The following TGM4 variants were observed in gnomAD, a reference collection of about 807,000 sequenced individuals.
TGM4 encodes the protein protein-glutamine gamma-glutamyltransferase 4.
A neutral mutation model predicts 76.3 loss-of-function variants in TGM4; 61 were observed. The observed-to-expected ratio is 0.80, with a 90% confidence interval of 0.65 to 0.99. TGM4 has a LOEUF of 0.99. TGM4 is among the 50% of genes least tolerant of loss of function. The pLI is 0.00. For synonymous variants in TGM4, 337 were observed against 329.8 expected, an observed-to-expected ratio of 1.02 and a Z score of -0.24; for missense variants, 794 against 843.2, an observed-to-expected ratio of 0.94 and a Z score of 0.72.
Position 44,901,740 on chromosome 3 carries a change from G to C in TGM4, c.832+42G>C, listed in dbSNP as rs776756934. On this transcript the variant is annotated intron_variant, in intron 7 of 13. Transcript: ENST00000296125. ...GGGGCTGAGGGGAGAGGTCCCAAGG[G>C]AGGGACTCCCAGCCCCCACAGTTGC... is the stretch of plus-strand genomic sequence containing the variant. 3.1e-6 allele frequency: 5 copies of C among 1,612,774 alleles called. No individual in the cohort carries two copies. In the Admixed American group the frequency reaches 6.7e-5, roughly 22 times the overall value.
chr3:44,910,209 C>T lies in TGM4; in HGVS notation c.1447C>T (p.Leu483=), dbSNP rs1299822251. The change falls in exon 11 of 14, where the codon CTG becomes TTG. Residue 483 remains leucine (L), a synonymous_variant. Coordinates refer to ENST00000296125, the MANE Select transcript of TGM4 (RefSeq NM_003241.4). The part of the protein sequence containing the change: ...LHMSVQSDDV[L]LGNSVNFTVI... Reference sequence around the variant, plus strand: ...CATGTCGGTACAATCAGATGATGTGCTGCTGGGAAACTCTGTTAATTTCAC... The same window carrying T: ...CATGTCGGTACAATCAGATGATGTGTTGCTGGGAAACTCTGTTAATTTCAC... The T allele has an allele frequency of 1.2e-6, 2 of 1,614,108 alleles. No individual in the cohort carries two copies. The highest frequency in any genetic ancestry group is 2.7e-5 in the African/African-American group (2 of 74,938).
intron 2 of TGM4, among the ~76,000 whole-genome samples, chr3:44,885,835 C>T (rs548961847): frequency 1.1e-4 from 17 of 152,088 alleles, no homozygotes; most frequent in Non-Finnish European, 2.2e-4. Flanking sequence ...GATGCCATAG[C>T]GGGGTGGGCT....
intron 1 of TGM4, among the ~76,000 whole-genome samples, chr3:44,877,702 T>A (rs1275684221): frequency 6.6e-6 from 1 of 152,206 alleles, no homozygotes; most frequent in Non-Finnish European, 1.5e-5. Context: ...TAAAAAGGCA[T>A]CTTCTCATCT....
chr3:44,898,973 G>T (rs1242911072), intron 6 of TGM4, among the ~76,000 whole-genome samples: 2 of 152,158 alleles, frequency 1.3e-5, no homozygotes, highest in Admixed American at 1.3e-4. Context: ...GCCATGAGGG[G>T]CTCTAGTTCT....
chr3:44,880,442 T>A (rs1043038397), intron 1 of TGM4, among the ~76,000 whole-genome samples: 5 of 152,182 alleles, frequency 3.3e-5, no homozygotes, highest in African/African-American at 1.2e-4. Context: ...CCGGTATGCA[T>A]TCTGCAGGGG....
intron 4 of TGM4, 90 bp from the exon 5 acceptor site, chr3:44,893,487 A>G: frequency 1.8e-6 from 2 of 1,131,294 alleles, no homozygotes; most frequent in Non-Finnish European, 2.7e-6. Flanking sequence ...AAGACCTTGA[A>G]TCTCCCCCAG....
chr3:44,901,143 G>A (rs1358387189), intron 6 of TGM4, among the ~76,000 whole-genome samples: 1 of 152,200 alleles, frequency 6.6e-6, no homozygotes, highest in African/African-American at 2.4e-5. Flanking sequence ...GGGTGGCTGA[G>A]GTGGGAGGAT....
At chr3:44,886,299 T>C (rs1188287342) in intron 2 of TGM4, among the ~76,000 whole-genome samples, 1 of 152,094 alleles carries the variant, frequency 6.6e-6, no homozygotes, top group Non-Finnish European at 1.5e-5. Flanking sequence ...CAAGATAGTG[T>C]CATTGCACTT....
At chr3:44,881,500 C>T (rs997749608) in intron 1 of TGM4, among the ~76,000 whole-genome samples, 17 of 152,318 alleles carry the variant, frequency 1.1e-4, no homozygotes, top group Admixed American at 3.9e-4. Flanking sequence ...TTCTTCCTAG[C>T]GAGGACTCCC....
chr3:44,901,373 G>C, intron 6 of TGM4, 151 bp from the exon 7 acceptor site: 1 of 904,306 alleles, frequency 1.1e-6, no homozygotes, highest in South Asian at 1.8e-5. Context: ...GGCCCTTCTG[G>C]GCACCCCACC....
chr3:44,904,030 C>T (rs751918890), intron 9 of TGM4, 43 bp downstream of exon 9: 4 of 1,537,840 alleles, frequency 2.6e-6, no homozygotes, highest in Middle Eastern at 1.8e-4. Context: ...ATGCTGCTCT[C>T]CTTACATGGC....
intron 1 of TGM4, among the ~76,000 whole-genome samples, chr3:44,881,668 G>C (rs1191693291): frequency 6.6e-6 from 1 of 152,176 alleles, no homozygotes; most frequent in Non-Finnish European, 1.5e-5. Flanking sequence ...AAAATCATAA[G>C]CTTCTAAGGC....
intron 8 of TGM4, chr3:44,903,629 G>A (rs1354767): frequency 0.47 from 227,572 of 487,850 alleles, 55,884 homozygotes; most frequent in East Asian, 0.8. Context: ...AAATCCATAG[G>A]CAGGGTGACG....
intron 6 of TGM4, chr3:44,899,500 G>A (rs1699824004): frequency 6.6e-6 from 1 of 152,160 alleles, no homozygotes; most frequent in Non-Finnish European, 1.5e-5. Flanking sequence ...CCCTTTTCCA[G>A]GTTCCCTATA....
At position 44,890,688 on chromosome 3, in the gene TGM4, C is replaced by T; in HGVS notation, c.386C>T (p.Ser129Phe). Residue 129 changes from serine (S) to phenylalanine (F), a missense_variant, in exon 4 of 14, where the codon TCT becomes TTT. Ser to Phe is a radical substitution (Grantham distance 155). Transcript: ENST00000296125. The part of the protein sequence containing the change: ...NVKTGNHILK[S>F]EENILYLLFN... ...AAAACTGGAAACCACATCCTTAAGT[C>T]TGAAGAAAACATCCTATACCTTCTC... 1 of 1,614,212 alleles carries T rather than the reference C, an allele frequency of 6.2e-7. No homozygotes were observed. The highest frequency in any genetic ancestry group is 8.5e-7 in the Non-Finnish European group (1 of 1,180,038).
intron 1 of TGM4, among the ~76,000 whole-genome samples, chr3:44,879,124 A>G (rs1699491787): frequency 6.7e-6 from 1 of 150,320 alleles, no homozygotes; most frequent in African/African-American, 2.4e-5. Flanking sequence ...TCATTTTTAG[A>G]AGTTATGTTT....
intron 10 of TGM4, among the ~76,000 whole-genome samples, chr3:44,908,293 T>A (rs374141990): frequency 2.3e-4 from 35 of 152,370 alleles, no homozygotes; most frequent in African/African-American, 7.9e-4. Flanking sequence ...GTCTTACAGC[T>A]GCTATCTCTG....
At chr3:44,876,876 T>A (rs577028740) in intron 1 of TGM4, among the ~76,000 whole-genome samples, 1 of 152,282 alleles carries the variant, frequency 6.6e-6, no homozygotes, top group East Asian at 1.9e-4. Context: ...CTCAGATCTA[T>A]AAGAAAATGA....
chr3:44,895,690 C>A (rs1419797980), intron 5 of TGM4, among the ~76,000 whole-genome samples: 2 of 152,140 alleles, frequency 1.3e-5, no homozygotes, highest in Non-Finnish European at 2.9e-5. Flanking sequence ...CCACAAAACT[C>A]CCCCAGACTC....
Sources: allele counts gnomAD v4.1 joint callset (sites outside exome capture counted in the v4.1 genomes callset), GRCh38; gene constraint gnomAD v4.1.1; transcripts MANE v1.5; gene names NCBI Gene and HGNC (gene_info 2026-07-23, HGNC 2026-07-21).